The following GANAB variants were observed in gnomAD, a reference collection of about 807,000 sequenced individuals.
The protein encoded by GANAB is neutral alpha-glucosidase AB.
Under a neutral mutation model 129.9 loss-of-function variants are expected in GANAB, and 35 were observed. The ratio of observed to expected loss-of-function variants is 0.27; its 90% confidence interval spans 0.21 to 0.36. GANAB has a LOEUF of 0.36. Ranked by LOEUF, GANAB falls within the 10% of genes least tolerant of loss-of-function variation. GANAB has a pLI of 1.00. For synonymous variants in GANAB, 482 were observed against 451.8 expected, an observed-to-expected ratio of 1.07 and a Z score of -0.85; for missense variants, 939 against 1,221.0, an observed-to-expected ratio of 0.77 and a Z score of 3.44.
Position 62,639,418 on chromosome 11 carries a change from C to T in GANAB, c.193G>A (p.Asp65Asn). 6.2e-7 allele frequency: 1 copy of T among 1,613,638 alleles called. No homozygotes were observed. The change falls in exon 3 of 24, where the codon GAC (aspartate) becomes AAC (asparagine). Residue 65 changes from aspartate to asparagine, a missense_variant. Transcript: ENST00000356638. The part of the protein sequence containing the change: ...PGLSPYRALL[D>N]SLQLGPDSLT... Reference sequence around the variant, plus strand: ...GAATCAGGACCAAGCTGTAGAGAGTCCAGCAAGGCTCGGTATGGAGAGAGG... The same window carrying T: ...GAATCAGGACCAAGCTGTAGAGAGTTCAGCAAGGCTCGGTATGGAGAGAGG...
intron 4 of GANAB, among the ~76,000 whole-genome samples, chr11:62,636,641 CCT>C (rs1226265517): frequency 1.3e-5 from 2 of 152,090 alleles, no homozygotes; most frequent in African/African-American, 2.4e-5. Flanking sequence ...ATAGTGAAAC[CCT>C]GTCTCTACTA....
chr11:62,638,839 G>A, intron 4 of GANAB, 144 bp downstream of exon 4: 1 of 680,120 alleles, frequency 1.5e-6, no homozygotes, highest in Non-Finnish European at 2.5e-6. Flanking sequence ...AGAAGAAGAG[G>A]TGGGGAAAGG....
chr11:62,642,089 G>A (rs944639766), intron 1 of GANAB, among the ~76,000 whole-genome samples: 5 of 152,038 alleles, frequency 3.3e-5, no homozygotes, highest in African/African-American at 1.2e-4. Context: ...GCAGGGGCCT[G>A]TAATCCCAGC....
At chr11:62,626,706 G>T in intron 20 of GANAB, 22 bp from the exon 21 acceptor site, 2 of 1,516,348 alleles carry the variant, frequency 1.3e-6, no homozygotes, top group Non-Finnish European at 1.8e-6. Context: ...GCAATGCCAG[G>T]ATGAAGTTGC....
Position 62,626,682 on chromosome 11 carries a change from G to A in GANAB, c.2400C>T (p.Ile800=), listed in dbSNP as rs762583723. The part of the protein sequence containing the change: ...TLYLPVTLSS[I]PVFQRGGTIV... Reference sequence around the variant, plus strand: ...TTGTCCCTCCACGCTGGAACACAGGGATCTAGGGCAAGAGCAATGCCAGGA... The same window carrying A: ...TTGTCCCTCCACGCTGGAACACAGGAATCTAGGGCAAGAGCAATGCCAGGA... Residue 800 remains isoleucine (I), a splice_region_variant and synonymous_variant, in exon 21 of 24, where the codon ATC becomes ATT. Coordinates refer to ENST00000356638, the MANE Select transcript of GANAB (RefSeq NM_198334.3). 4 of 1,593,608 alleles carry A rather than the reference G, an allele frequency of 2.5e-6. No homozygotes were observed. Among genetic ancestry groups the A allele is most frequent in the Non-Finnish European group, 3.4e-6 (4 of 1,165,906 alleles).
rs773955283 is a variant in GANAB at position 62,626,886 on chromosome 11, G to A, written c.2371C>T (p.Leu791=). 6.2e-7 allele frequency: 1 copy of A among 1,612,294 alleles called. No homozygotes were observed. Among genetic ancestry groups the A allele is most frequent in the Non-Finnish European group, 8.5e-7 (1 of 1,178,510 alleles). The change falls in exon 20 of 24, where the codon CTG becomes TTG. Residue 791 remains leucine, a synonymous_variant. Coordinates refer to ENST00000356638, the MANE Select transcript of GANAB (RefSeq NM_198334.3). Reference sequence around the variant, plus strand: ...CTGCTTAGAGTTACAGGCAGGTACAGGGTCTGGGGACCATGATGCTTCTGG... The same window carrying A: ...CTGCTTAGAGTTACAGGCAGGTACAAGGTCTGGGGACCATGATGCTTCTGG... ...SYQKHHGPQT[L]YLPVTLSSIP...
rs1237556826 is a variant in GANAB, at chr11:62,631,112, C to A, written c.1068G>T (p.Met356Ile). ...AGACGTCAATGATGCCAGTCTCTGA[C>A]ATCCAGCGAACATCTGTCTGTGGGG... ...GETPQTDVRW[M>I]SETGIIDVFL... The change falls in exon 10 of 24, where the codon ATG becomes ATT. Residue 356 changes from methionine (M) to isoleucine (I), a missense_variant. Coordinates refer to ENST00000356638, the MANE Select transcript of GANAB (RefSeq NM_198334.3). 1.2e-6 allele frequency: 2 copies of A among 1,612,130 alleles called. No homozygotes were observed. The highest frequency in any genetic ancestry group is 3.3e-5 in the Admixed American group (2 of 59,974).
chr11:62,643,568 G>A (rs931097064), intron 1 of GANAB, among the ~76,000 whole-genome samples: 10 of 152,186 alleles, frequency 6.6e-5, no homozygotes, highest in Admixed American at 2.6e-4. Context: ...GCTTGAACCC[G>A]GGAGGCAGAG....
chr11:62,638,643 GAAGC>G (rs1157921199), intron 4 of GANAB, among the ~76,000 whole-genome samples: 3 of 111,062 alleles, frequency 2.7e-5, no homozygotes, highest in African/African-American at 9.6e-5. Context: ...AGGAAGGAAG[GAAGC>G]AAGCAAACAA....
chr11:62,633,140 G>T (rs199790109), intron 7 of GANAB, 39 bp from the exon 8 acceptor site: 18 of 1,601,260 alleles, frequency 1.1e-5, no homozygotes, highest in South Asian at 2.2e-5. Context: ...CTTCTGCTTG[G>T]AAAGGAGCCC....
Position 62,625,537 on chromosome 11 carries a change from CTGGTGTTCGTAAG to C in GANAB, c.*265_*277del. ...GGGGCGACAAGGGCCCTGTGGTTTC[CTGGTGTTCGTAAG>C]TGAATGTGCTCCAGTTAGAGCAACA... is the stretch of plus-strand genomic sequence containing the variant. On this transcript the variant is annotated 3_prime_UTR_variant, in exon 24 of 24. Transcript: ENST00000356638. 2.1e-6 allele frequency: 1 copy of C among 485,778 alleles called. No individual in the cohort carries two copies. The highest frequency in any genetic ancestry group is 3.8e-6 in the Non-Finnish European group (1 of 264,742). The allele number at this position is 485,778 out of a possible 1,614,324, so 30.1% of individuals were successfully genotyped here.
rs552373694 is a variant in GANAB at position 62,646,316 on chromosome 11, A to G, written c.38+246T>C. Among the ~76,000 whole-genome samples, 3 of 152,236 alleles carry G rather than the reference A, an allele frequency of 2.0e-5. No individual in the cohort carries two copies. The South Asian group carries it at 6.2e-4, about 32-fold the overall frequency. On this transcript the variant is annotated intron_variant, in intron 1 of 23. Coordinates refer to ENST00000356638, the MANE Select transcript of GANAB (RefSeq NM_198334.3). ...CGGCTGAGAGCGGCCAAGACCAAGA[A>G]AGACGCACAGCTGTGGCTTTACTAA...
Position 62,626,616 on chromosome 11 carries a change from A to G in GANAB, c.2466T>C (p.Cys822=). ...AGAGAGTGATGGGGTCATCCTTCAT[A>G]CATTCTGAAGACCGCCGCACTCGCA... The part of the protein sequence containing the change: ...RWMRVRRSSE[C]MKDDPITLFV... Residue 822 remains cysteine, a synonymous_variant, in exon 21 of 24, where the codon TGT becomes TGC. Transcript: ENST00000356638. 3 of 1,612,706 alleles carry G rather than the reference A, an allele frequency of 1.9e-6. No homozygotes were observed. Among genetic ancestry groups the G allele is most frequent in the East Asian group, 2.2e-5 (1 of 44,868 alleles).
intron 1 of GANAB, among the ~76,000 whole-genome samples, chr11:62,643,319 T>A (rs12288599): frequency 9.2e-4 from 140 of 152,172 alleles, no homozygotes; most frequent in African/African-American, 3.3e-3. Flanking sequence ...CTGGCCAACA[T>A]GGCGAAACTC....
At chr11:62,637,898 C>CAA (rs975916004) in intron 4 of GANAB, among the ~76,000 whole-genome samples, 2 of 120,994 alleles carry the variant, frequency 1.7e-5, no homozygotes, top group Admixed American at 1.7e-4. Context: ...GACTCCATCT[C>CAA]AAAAAAAAAA....
In GANAB at chr11:62,625,516, C is replaced by T. The variant is rs1943325511; in HGVS notation, c.*299G>A. On this transcript the variant is annotated 3_prime_UTR_variant, in exon 24 of 24. Coordinates refer to ENST00000356638, the MANE Select transcript of GANAB (RefSeq NM_198334.3). ...TCCTAAATAAGGGAAAGAGAAGGGG[C>T]GACAAGGGCCCTGTGGTTTCCTGGT... 2.2e-6 allele frequency: 1 copy of T among 445,380 alleles called. No individual in the cohort carries two copies. The highest frequency in any genetic ancestry group is 2.1e-5 in the South Asian group (1 of 47,736). The allele number at this position is 445,380 out of a possible 1,614,324, so 27.6% of individuals were successfully genotyped here.
At chr11:62,628,642 G>C (rs2134468034) in intron 17 of GANAB, 127 bp downstream of exon 17, 1 of 967,298 alleles carries the variant, frequency 1.0e-6, no homozygotes, top group Non-Finnish European at 1.6e-6. Flanking sequence ...CTTCACTCTT[G>C]ACCTTAATGA....
chr11:62,627,513 C>G (rs926849330), intron 17 of GANAB, among the ~76,000 whole-genome samples, 160 bp from the exon 18 acceptor site: 1 of 152,126 alleles, frequency 6.6e-6, no homozygotes, highest in African/African-American at 2.4e-5. Flanking sequence ...GGGAAGATCA[C>G]CTGAGGTCAG....
intron 1 of GANAB, among the ~76,000 whole-genome samples, chr11:62,644,785 T>C (rs1010879108): frequency 6.6e-6 from 1 of 152,130 alleles, no homozygotes; most frequent in Non-Finnish European, 1.5e-5. Context: ...ATTGCACCCC[T>C]GCACTCCATC....
Sources: allele counts gnomAD v4.1 joint callset (sites outside exome capture counted in the v4.1 genomes callset), GRCh38; gene constraint gnomAD v4.1.1; transcripts MANE v1.5; gene names NCBI Gene and HGNC (gene_info 2026-07-23, HGNC 2026-07-21).